The following TMPRSS11A variants were observed in gnomAD, a reference collection of about 807,000 sequenced individuals.
TMPRSS11A encodes transmembrane serine protease 11A.
TMPRSS11A carries 53 observed loss-of-function variants against 58.9 expected under a neutral mutation model. The ratio of observed to expected loss-of-function variants is 0.90; its 90% confidence interval spans 0.72 to 1.13. TMPRSS11A has a LOEUF of 1.13. TMPRSS11A is among the 50% of genes most tolerant of loss of function. The pLI is 0.00. For synonymous variants in TMPRSS11A, 167 were observed against 169.8 expected (o/e 0.98, Z 0.13); for missense variants, 493 against 499.3 (o/e 0.99, Z 0.12).
chr4:67,949,296 G>T (rs1223946150), intron 1 of TMPRSS11A, among the ~76,000 whole-genome samples: 1 of 152,108 alleles, frequency 6.6e-6, no homozygotes, highest in African/African-American at 2.4e-5. Flanking sequence ...TTGACATACT[G>T]ATCAAGTGTC....
chr4:67,963,309 C>G, intron 1 of TMPRSS11A, 74 bp downstream of exon 1: 2 of 1,535,436 alleles, frequency 1.3e-6, no homozygotes, highest in South Asian at 1.1e-5. Context: ...TAGCAGTCCT[C>G]TTACACATCA....
At chr4:67,953,662 G>A (rs1560574680) in intron 1 of TMPRSS11A, among the ~76,000 whole-genome samples, 1 of 152,170 alleles carries the variant, frequency 6.6e-6, no homozygotes, top group Non-Finnish European at 1.5e-5. Flanking sequence ...GCTGAGTGTG[G>A]TGGCACATGC....
chr4:67,954,719 T>C (rs1409404687), intron 1 of TMPRSS11A, among the ~76,000 whole-genome samples: 1 of 152,210 alleles, frequency 6.6e-6, no homozygotes, highest in East Asian at 1.9e-4. Flanking sequence ...GGGAGTGGTA[T>C]AGCATTAACA....
intron 1 of TMPRSS11A, among the ~76,000 whole-genome samples, chr4:67,948,046 A>G (rs1337678473): frequency 6.6e-6 from 1 of 152,064 alleles, no homozygotes; most frequent in African/African-American, 2.4e-5. Context: ...ATATATTGAT[A>G]GCCTAAATTT....
chr4:67,959,696 A>G (rs930942495), intron 1 of TMPRSS11A, among the ~76,000 whole-genome samples: 5 of 152,222 alleles, frequency 3.3e-5, no homozygotes, highest in African/African-American at 1.2e-4. Flanking sequence ...GGCTGCAGAG[A>G]AAAGGGAATT....
chr4:67,923,979 G>GA lies in TMPRSS11A; in HGVS notation c.520+148dup, dbSNP rs912219514. On this transcript the variant is annotated intron_variant, in intron 6 of 9. Coordinates refer to ENST00000508048, the MANE Select transcript of TMPRSS11A (RefSeq NM_001114387.2). Reference sequence around the variant, plus strand: ...GACTAAAAGATCAGTCCATGAGTTAGAAAAAAAATGTATTTAAATCTATCG... The same window carrying GA: ...GACTAAAAGATCAGTCCATGAGTTAGAAAAAAAAATGTATTTAAATCTATCG... 3.5e-5 allele frequency: 27 copies of GA among 761,758 alleles called. No individual in the cohort carries two copies. The Middle Eastern group carries it at 2.0e-3, about 56-fold the overall frequency. 47.2% of individuals were successfully genotyped at this position (761,758 alleles called of 1,614,324 possible).
intron 1 of TMPRSS11A, among the ~76,000 whole-genome samples, chr4:67,956,814 T>C (rs1388823512): frequency 1.3e-5 from 2 of 152,194 alleles, no homozygotes; most frequent in African/African-American, 4.8e-5. Flanking sequence ...TTATTCCTTA[T>C]ATGGCAGTGA....
intron 8 of TMPRSS11A, among the ~76,000 whole-genome samples, chr4:67,915,847 C>T (rs1000613659): frequency 6.6e-5 from 10 of 152,122 alleles, no homozygotes; most frequent in African/African-American, 1.2e-4. Flanking sequence ...TGTGTCTGAA[C>T]GTCTGACTCA....
intron 1 of TMPRSS11A, among the ~76,000 whole-genome samples, chr4:67,961,512 T>TGAGACAGAG (rs1721427291): frequency 3.8e-4 from 11 of 28,922 alleles, no homozygotes; most frequent in South Asian, 1.3e-3. Context: ...TTTTTTTTTT[T>TGAGACAGAG]TTTTTTTTTT....
Position 67,942,718 on chromosome 4 carries a change from A to G in TMPRSS11A, c.252+1801T>C, listed in dbSNP as rs562875909. On this transcript the variant is annotated intron_variant, in intron 3 of 9. Transcript: ENST00000508048. ...GTATATGTACATTCAATGACCTAGT[A>G]ATTCTGCTTGCAGAAGTACTTGCAT... Among the ~76,000 whole-genome samples the G allele has an allele frequency of 3.9e-5, 6 of 152,302 alleles. No homozygotes were observed. In the East Asian group the frequency reaches 9.6e-4, roughly 24 times the overall value.
At chr4:67,952,459 C>T (rs1026692989) in intron 1 of TMPRSS11A, among the ~76,000 whole-genome samples, 1 of 152,116 alleles carries the variant, frequency 6.6e-6, no homozygotes, top group Non-Finnish European at 1.5e-5. Context: ...TATGAAGCTC[C>T]ACCAAATCTT....
At chr4:67,927,065 G>A (rs942921234) in intron 5 of TMPRSS11A, among the ~76,000 whole-genome samples, 1 of 152,182 alleles carries the variant, frequency 6.6e-6, no homozygotes, top group African/African-American at 2.4e-5. Flanking sequence ...TCTCCTGTGA[G>A]CTGTTCTCTT....
At chr4:67,932,139 C>A (rs1002451831) in intron 3 of TMPRSS11A, 79 bp from the exon 4 acceptor site, 11 of 834,188 alleles carry the variant, frequency 1.3e-5, no homozygotes, top group Non-Finnish European at 1.1e-5. Flanking sequence ...AATGTTAAAG[C>A]AATCAAAAAT....
chr4:67,958,429 G>A (rs568583291), intron 1 of TMPRSS11A, among the ~76,000 whole-genome samples: 2 of 152,342 alleles, frequency 1.3e-5, no homozygotes, highest in Non-Finnish European at 2.9e-5. Context: ...AGGACCCAAA[G>A]GAGATCATTT....
chr4:67,951,749 C>T (rs535690222), intron 1 of TMPRSS11A, among the ~76,000 whole-genome samples: 2 of 152,274 alleles, frequency 1.3e-5, no homozygotes, highest in Middle Eastern at 3.4e-3. Flanking sequence ...GATTATTGGT[C>T]AGCTTTCCAG....
At chr4:67,930,909 T>C (rs74855579) in intron 4 of TMPRSS11A, among the ~76,000 whole-genome samples, 1,473 of 145,430 alleles carry the variant, frequency 0.01, 24 homozygotes, top group African/African-American at 0.035. Flanking sequence ...TCTGAGACAA[T>C]TTATGTATTT....
chr4:67,910,407 A>C lies in TMPRSS11A; in HGVS notation c.*935T>G, dbSNP rs963697637. On this transcript the variant is annotated 3_prime_UTR_variant, in exon 10 of 10. Coordinates refer to ENST00000508048, the MANE Select transcript of TMPRSS11A (RefSeq NM_001114387.2). Reference sequence around the variant, plus strand: ...CATAAAATTTTTCTTGCTACGGAGGAACATAATGTTCTTTGATTTTTCAAG... The same window carrying C: ...CATAAAATTTTTCTTGCTACGGAGGCACATAATGTTCTTTGATTTTTCAAG... The C allele has an allele frequency of 6.6e-6, 1 of 152,030 alleles. No individual in the cohort carries two copies. Among genetic ancestry groups the C allele is most frequent in the Admixed American group, 6.6e-5 (1 of 15,256 alleles). The allele number at this position is 152,030 out of a possible 1,614,324, so 9.4% of individuals were successfully genotyped here.
intron 1 of TMPRSS11A, among the ~76,000 whole-genome samples, chr4:67,955,674 C>T (rs985806705): frequency 3.3e-5 from 5 of 152,142 alleles, no homozygotes; most frequent in Admixed American, 6.5e-5. Context: ...CACTCATCCA[C>T]GAATTTTTGT....
chr4:67,938,043 C>T (rs1025009529), intron 3 of TMPRSS11A, among the ~76,000 whole-genome samples: 2 of 152,128 alleles, frequency 1.3e-5, no homozygotes, highest in African/African-American at 4.8e-5. Context: ...CATTCTCTTT[C>T]CTCCGCAGTC....
Sources: gnomAD v4.1 joint callset for allele counts (sites outside exome capture counted in the v4.1 genomes callset) on GRCh38, gnomAD v4.1.1 for gene constraint, MANE v1.5 for transcripts, NCBI Gene and HGNC (gene_info 2026-07-23, HGNC 2026-07-21) for gene names.